Variants in USP43 observed in about 807,000 individuals in gnomAD.
USP43 encodes the protein ubiquitin carboxyl-terminal hydrolase 43.
In USP43, 33 loss-of-function variants were observed where a neutral mutation model predicts 90.7. The ratio of observed to expected loss-of-function variants is 0.36; its 90% CI spans 0.28 to 0.49. The LOEUF (loss-of-function observed/expected upper bound fraction) is 0.49. Ranked by LOEUF, USP43 falls within the 20% of genes least tolerant of loss-of-function variation. The pLI is 0.98. For missense variants in USP43, 1,274 were observed against 1,476.4 expected, an observed-to-expected ratio of 0.86 and a Z score of 2.25; for synonymous variants, 598 against 615.8, an observed-to-expected ratio of 0.97 and a Z score of 0.43.
At chr17:9,720,966 T>C (rs997977286) in intron 14 of USP43, among the ~76,000 whole-genome samples, 1 of 152,174 alleles carries the variant, frequency 6.6e-6, no homozygotes, top group Non-Finnish European at 1.5e-5. Flanking sequence ...GAACACCACC[T>C]TTCCGGTAGC....
Position 9,700,190 on chromosome 17 carries a change from G to A in USP43, c.1476G>A (p.Arg492=), listed in dbSNP as rs1423451486. Residue 492 remains arginine, a synonymous_variant, in exon 10 of 15, where the codon AGG becomes AGA. Coordinates refer to ENST00000285199, the MANE Select transcript of USP43 (RefSeq NM_153210.5). ...WAVDRVLHLR[R]PGGPPHVKLA... is the part of the protein sequence containing the mutation. Reference sequence around the variant, plus strand: ...TTCTCAGGGTTTTGCATCTCAGGAGGCCAGGAGGCCCTCCACATGTCAAGC... The same window carrying A: ...TTCTCAGGGTTTTGCATCTCAGGAGACCAGGAGGCCCTCCACATGTCAAGC... 2.5e-6 allele frequency: 4 copies of A among 1,606,054 alleles called. No individual in the cohort carries two copies. The highest frequency in any genetic ancestry group is 2.7e-5 in the African/African-American group (2 of 74,824).
intron 12 of USP43, among the ~76,000 whole-genome samples, chr17:9,708,829 A>T (rs1432353635): frequency 6.6e-6 from 1 of 152,054 alleles, no homozygotes; most frequent in Non-Finnish European, 1.5e-5. Flanking sequence ...GGGTTTCACC[A>T]TGTTGGCCAG....
chr17:9,724,930 G>A lies in USP43; in HGVS notation c.2336-3024G>A, dbSNP rs930493966. The stretch of plus-strand genomic sequence containing the variant: ...ACTAGGAAAAGTCTTGTTCTGTGGC[G>A]GGGGGCAGGGGGGCACTAAGCATGG... On this transcript the variant is annotated intron_variant, in intron 14 of 14. Coordinates refer to ENST00000285199, the MANE Select transcript of USP43 (RefSeq NM_153210.5). Among the ~76,000 whole-genome samples, 4 of 131,336 alleles carry A rather than the reference G, an allele frequency of 3.0e-5. No homozygotes were observed. The South Asian group carries it at 6.7e-4, about 22-fold the overall frequency. The allele number at this position is 131,336 out of a possible 152,430, so 86.2% of individuals were successfully genotyped here.
At chr17:9,717,923 A>C (rs1013196475) in intron 14 of USP43, among the ~76,000 whole-genome samples, 1 of 151,604 alleles carries the variant, frequency 6.6e-6, no homozygotes, top group Non-Finnish European at 1.5e-5. Flanking sequence ...CAGACTCCCG[A>C]GTAGCTGGGA....
chr17:9,662,674 A>ATACT (rs1461385930), intron 2 of USP43, among the ~76,000 whole-genome samples: 2 of 152,164 alleles, frequency 1.3e-5, no homozygotes, highest in African/African-American at 4.8e-5. Context: ...GGGAGTCAGT[A>ATACT]GCTGCCAAGT....
At chr17:9,663,607 TTTTG>T (rs1005490689) in intron 2 of USP43, among the ~76,000 whole-genome samples, 2 of 149,302 alleles carry the variant, frequency 1.3e-5, no homozygotes, top group African/African-American at 2.5e-5. Flanking sequence ...CAGACATTCT[TTTTG>T]TTTGTTTGTT....
chr17:9,728,223 A>G lies in USP43; in HGVS notation c.2605A>G (p.Asn869Asp), dbSNP rs767794332. The G allele has an allele frequency of 2.7e-5, 44 of 1,613,880 alleles. No homozygotes were observed. In the African/African-American group the frequency reaches 5.7e-4, roughly 21 times the overall value. The change falls in exon 15 of 15, where the codon AAC becomes GAC. Residue 869 changes from asparagine to aspartate, a missense_variant. Transcript: ENST00000285199. This position sits in a 1 kb window ranked among gnomAD's most constrained non-coding sequence, Gnocchi z 6.2. ...EDEKSASPRS[N>D]VALPANSEDG... ...TGAGAAGTCAGCATCGCCGAGGTCCAACGTCGCCCTTCCTGCTAACAGCGA... is the reference window on the plus strand; with the variant it reads ...TGAGAAGTCAGCATCGCCGAGGTCCGACGTCGCCCTTCCTGCTAACAGCGA...
At chr17:9,720,236 G>A (rs1226925566) in intron 14 of USP43, among the ~76,000 whole-genome samples, 1 of 143,438 alleles carries the variant, frequency 7.0e-6, no homozygotes, top group African/African-American at 2.6e-5. Context: ...TGAGGCAGGA[G>A]AATCGCTTAA....
chr17:9,646,842 C>T (rs1351161622), intron 1 of USP43, among the ~76,000 whole-genome samples: 2 of 151,942 alleles, frequency 1.3e-5, no homozygotes, highest in African/African-American at 2.4e-5. Context: ...GAGATAGCAT[C>T]CTTTTGTTTA....
At chr17:9,685,714 G>A (rs549250877) in intron 7 of USP43, among the ~76,000 whole-genome samples, 2 of 152,244 alleles carry the variant, frequency 1.3e-5, no homozygotes, top group South Asian at 4.2e-4. Context: ...TATTTATGGG[G>A]TACGGAGTGA....
chr17:9,728,820 A>T lies in USP43; in HGVS notation c.3202A>T (p.Ser1068Cys), dbSNP rs746565521. The T allele has an allele frequency of 3.3e-5, 53 of 1,613,404 alleles. 1 individual carries two copies. The highest frequency in any genetic ancestry group is 3.1e-5 in the Non-Finnish European group (36 of 1,179,750). The change falls in exon 15 of 15, where the codon AGC becomes TGC. Residue 1068 changes from serine (S) to cysteine (C), a missense_variant. This residue lies in a region of USP43 where 353 missense variants were observed against 329.7 expected (regional missense o/e 1.07). Coordinates refer to ENST00000285199, the MANE Select transcript of USP43 (RefSeq NM_153210.5). This position sits in a 1 kb window ranked among gnomAD's most constrained non-coding sequence, Gnocchi z 6.2. ...CGAGAGGGATGTCTGGTCAGCCCCC[A>T]GCTCTCTCCGCCTCCCTCGTAAAGC... ...RLERDVWSAP[S>C]SLRLPRKASR...
chr17:9,726,415 G>A (rs574168730), intron 14 of USP43, among the ~76,000 whole-genome samples: 1 of 152,154 alleles, frequency 6.6e-6, no homozygotes, highest in East Asian at 1.9e-4. Flanking sequence ...AGAATACCAC[G>A]CCTGGGCAGC....
chr17:9,654,133 G>C (rs1044397674), intron 1 of USP43, among the ~76,000 whole-genome samples: 82 of 152,100 alleles, frequency 5.4e-4, no homozygotes, highest in African/African-American at 1.9e-3. Flanking sequence ...TTGGGGGTAG[G>C]GTTGCCAGAT....
At chr17:9,657,455 G>A (rs548715331) in intron 2 of USP43, among the ~76,000 whole-genome samples, 2 of 151,122 alleles carry the variant, frequency 1.3e-5, no homozygotes, top group East Asian at 3.9e-4. Context: ...AGCTGAGAAC[G>A]CACCGTTGCA....
At chr17:9,666,897 A>G in intron 3 of USP43, 146 bp downstream of exon 3, 1 of 672,646 alleles carries the variant, frequency 1.5e-6, no homozygotes. Flanking sequence ...ATAAATCCTG[A>G]TTAAGCACAC....
At position 9,645,613 on chromosome 17, in the gene USP43, G is replaced by C. The variant is rs916559503; in HGVS notation, c.-20G>C. On this transcript the variant is annotated 5_prime_UTR_variant, in exon 1 of 15. Coordinates refer to ENST00000285199, the MANE Select transcript of USP43 (RefSeq NM_153210.5). The surrounding 1 kb of genome is among the most constrained non-coding windows in gnomAD (Gnocchi z 6.8). ...CTCGCGCCCGGGGGCTCCGCGCCTG[G>C]AGCTGCGCCGGCGGCAGCCATGGAC... is the stretch of plus-strand genomic sequence containing the variant. 108 of 1,192,252 alleles carry C rather than the reference G, an allele frequency of 9.1e-5. No individual in the cohort carries two copies. Among genetic ancestry groups the C allele is most frequent in the Non-Finnish European group, 1.1e-4 (105 of 963,198 alleles). The allele number at this position is 1,192,252 out of a possible 1,614,324, so 73.9% of individuals were successfully genotyped here. A position where few individuals can be genotyped will look rare whatever the true frequency, so the allele number is the denominator to read the frequency against.
At chr17:9,691,107 CA>C (rs1914920105) in intron 8 of USP43, among the ~76,000 whole-genome samples, 1 of 142,140 alleles carries the variant, frequency 7.0e-6, no homozygotes, top group South Asian at 2.3e-4. Flanking sequence ...GAATTTCCTT[CA>C]TTTTTTTTTT....
At chr17:9,689,427 A>T (rs565602702) in intron 8 of USP43, among the ~76,000 whole-genome samples, 22 of 148,828 alleles carry the variant, frequency 1.5e-4, no homozygotes, top group Admixed American at 6.7e-4. Context: ...TTTTTTTTTT[A>T]AAGAGATAGA....
intron 12 of USP43, among the ~76,000 whole-genome samples, chr17:9,708,688 C>T (rs535171596): frequency 9.9e-5 from 15 of 152,182 alleles, no homozygotes; most frequent in South Asian, 6.2e-4. Flanking sequence ...AGTGCAGTGG[C>T]GTGATCCTGG....
Sources: gnomAD v4.1 joint callset for allele counts (sites outside exome capture counted in the v4.1 genomes callset) on GRCh38, gnomAD v4.1.1 for gene constraint, gnomAD v4.1.1 regional missense constraint, Gnocchi (gnomAD v3.1) non-coding constraint, MANE v1.5 for transcripts, NCBI Gene and HGNC (gene_info 2026-07-23, HGNC 2026-07-21) for gene names.